Variants in FLVCR2 observed in about 807,000 individuals in gnomAD.
FLVCR2 encodes FLVCR choline and putative heme transporter 2.
Under a neutral mutation model 48.9 loss-of-function variants are expected in FLVCR2, and 38 were observed. That is an observed-to-expected ratio of 0.78 (90% confidence interval 0.60 to 1.02). The LOEUF (loss-of-function observed/expected upper bound fraction) is 1.02, where lower values mean the gene tolerates loss of function less well. Ranked by LOEUF, FLVCR2 falls within the 50% of genes least tolerant of loss-of-function variation. The pLI is 0.00. For missense variants in FLVCR2, 664 were observed against 663.3 expected (o/e 1.00, Z -0.01); for synonymous variants, 255 against 257.0 (o/e 0.99, Z 0.07).
intron 2 of FLVCR2, among the ~76,000 whole-genome samples, chr14:75,624,191 A>C (rs1889835149): frequency 6.6e-6 from 1 of 151,366 alleles, no homozygotes; most frequent in Admixed American, 6.6e-5. Flanking sequence ...GCAAAACCCC[A>C]TCTCTATGAA....
chr14:75,623,736 C>T (rs1438205072), intron 2 of FLVCR2, among the ~76,000 whole-genome samples: 1 of 152,006 alleles, frequency 6.6e-6, no homozygotes, highest in Non-Finnish European at 1.5e-5. Flanking sequence ...GTGATTTCAG[C>T]CTTCCAGAGG....
chr14:75,626,415 C>T (rs1235522775), intron 3 of FLVCR2, among the ~76,000 whole-genome samples: 4 of 151,894 alleles, frequency 2.6e-5, no homozygotes, highest in Admixed American at 2.6e-4. Context: ...TGCTGAAACA[C>T]TAGATAAGAG....
At chr14:75,633,793 C>G (rs1325550200) in intron 4 of FLVCR2, 97 bp downstream of exon 4, 2 of 941,232 alleles carry the variant, frequency 2.1e-6, no homozygotes, top group African/African-American at 3.2e-5. Flanking sequence ...TTCATTCCCC[C>G]CAGTTCTAGG....
intron 5 of FLVCR2, 32 bp from the exon 6 acceptor site, chr14:75,639,320 G>C (rs759872919): frequency 2.9e-6 from 4 of 1,382,338 alleles, no homozygotes; most frequent in Admixed American, 1.7e-5. Context: ...AGTCAGAAGT[G>C]TTTGATTCAA....
Position 75,639,446 on chromosome 14 carries a change from A to G in FLVCR2, c.1219A>G (p.Thr407Ala). 1 of 1,611,038 alleles carries G rather than the reference A, an allele frequency of 6.2e-7. No individual in the cohort carries two copies. Among genetic ancestry groups the G allele is most frequent in the Non-Finnish European group, 8.5e-7 (1 of 1,177,184 alleles). The change falls in exon 6 of 10, where the codon ACT (threonine) becomes GCT (alanine). Residue 407 changes from threonine to alanine, a missense_variant. Physicochemically the swap from Thr to Ala is moderately conservative, Grantham distance 58. Transcript: ENST00000238667. The part of the protein sequence containing the change: ...NLGHLWVVFI[T>A]AGTMGFFMTG... The stretch of plus-strand genomic sequence containing the variant: ...GGGACACCTGTGGGTAGTGTTCATC[A>G]CTGCTGGCACAATGGGGTAAGTTTC...
At chr14:75,637,295 T>G (rs2140051029) in intron 5 of FLVCR2, among the ~76,000 whole-genome samples, 1 of 152,288 alleles carries the variant, frequency 6.6e-6, no homozygotes, top group Non-Finnish European at 1.5e-5. Flanking sequence ...AAGGTTGAAT[T>G]GAAATAATAA....
chr14:75,637,171 A>C (rs966842629), intron 5 of FLVCR2, among the ~76,000 whole-genome samples: 1 of 152,232 alleles, frequency 6.6e-6, no homozygotes, highest in Non-Finnish European at 1.5e-5. Context: ...TTCACATCTC[A>C]GCTCTGCATT....
chr14:75,632,479 G>A (rs72723678), intron 3 of FLVCR2: 36,966 of 597,836 alleles, frequency 0.062, 1,329 homozygotes, highest in Middle Eastern at 0.091. Context: ...CTACCCCTAC[G>A]GAATTGTTAC....
chr14:75,608,203 C>T (rs752211474), intron 1 of FLVCR2, among the ~76,000 whole-genome samples: 28 of 152,294 alleles, frequency 1.8e-4, no homozygotes, highest in Middle Eastern at 3.4e-3. Context: ...GCCTTTACAC[C>T]GGCTCATGGT....
intron 1 of FLVCR2, among the ~76,000 whole-genome samples, chr14:75,582,065 C>T (rs965934360): frequency 2.0e-5 from 3 of 152,122 alleles, no homozygotes; most frequent in Admixed American, 6.5e-5. Flanking sequence ...AAAAACTGGC[C>T]GTGAGGGACA....
intron 1 of FLVCR2, among the ~76,000 whole-genome samples, chr14:75,616,048 A>AAAAAAAAAAAT (rs1889607875): frequency 1.4e-5 from 2 of 147,114 alleles, no homozygotes; most frequent in South Asian, 2.1e-4. Flanking sequence ...AAAAAAAAAA[A>AAAAAAAAAAAT]TAGCGTAAGT....
In FLVCR2 at chr14:75,579,640, A is replaced by G; in HGVS notation, c.668A>G (p.Gln223Arg). 6.2e-7 allele frequency: 1 copy of G among 1,614,086 alleles called. No individual in the cohort carries two copies. Among genetic ancestry groups the G allele is most frequent in the Non-Finnish European group, 8.5e-7 (1 of 1,180,014 alleles). ...TACSVAVFGN[Q>R]LGIAIGFLVP... ...TGCTCCGTGGCTGTCTTTGGCAATC[A>G]GGTAGGTAGAACAGTTTGTGAATGT... Residue 223 changes from glutamine to arginine, a missense_variant and splice_region_variant, in exon 1 of 10, where the codon CAG (glutamine) becomes CGG (arginine). Physicochemically the swap from Gln to Arg is conservative, Grantham distance 43. Transcript: ENST00000238667.
intron 6 of FLVCR2, 94 bp downstream of exon 6, chr14:75,639,556 G>A (rs1890257035): frequency 2.3e-6 from 2 of 865,132 alleles, no homozygotes; most frequent in South Asian, 2.8e-5. Flanking sequence ...TGCCTTTGCT[G>A]CCTTCTAACT....
At chr14:75,587,614 G>A (rs1202971400) in intron 1 of FLVCR2, among the ~76,000 whole-genome samples, 1 of 152,148 alleles carries the variant, frequency 6.6e-6, no homozygotes, top group Non-Finnish European at 1.5e-5. Flanking sequence ...CCCTTTTCTT[G>A]GTATGCTCTG....
At chr14:75,592,624 G>A (rs932850018) in intron 1 of FLVCR2, among the ~76,000 whole-genome samples, 1 of 151,992 alleles carries the variant, frequency 6.6e-6, no homozygotes, top group Non-Finnish European at 1.5e-5. Context: ...TTCACCTTTA[G>A]GTCACTCCTT....
intron 3 of FLVCR2, among the ~76,000 whole-genome samples, chr14:75,625,965 G>T (rs1442462049): frequency 6.6e-6 from 1 of 151,890 alleles, no homozygotes; most frequent in Non-Finnish European, 1.5e-5. Flanking sequence ...ATACAAGTTT[G>T]TCTAACTCCA....
intron 1 of FLVCR2, among the ~76,000 whole-genome samples, chr14:75,603,363 G>A (rs1249701861): frequency 2.0e-5 from 3 of 152,178 alleles, no homozygotes; most frequent in African/African-American, 7.2e-5. Flanking sequence ...TCAGAGAGAA[G>A]CAGGTTTACT....
At chr14:75,628,164 G>C (rs1017746437) in intron 3 of FLVCR2, among the ~76,000 whole-genome samples, 1 of 152,106 alleles carries the variant, frequency 6.6e-6, no homozygotes, top group Non-Finnish European at 1.5e-5. Context: ...GCCCAAGCTG[G>C]AGTGCAGTGG....
intron 1 of FLVCR2, among the ~76,000 whole-genome samples, chr14:75,595,242 T>C (rs1888989637): frequency 6.6e-6 from 1 of 152,236 alleles, no homozygotes; most frequent in South Asian, 2.1e-4. Context: ...CTCATGTATA[T>C]TTTATACTTA....
Sources: allele counts gnomAD v4.1 joint callset (sites outside exome capture counted in the v4.1 genomes callset), GRCh38; gene constraint gnomAD v4.1.1; transcripts MANE v1.5; gene names NCBI Gene and HGNC (gene_info 2026-07-23, HGNC 2026-07-21).